The following PAK5 variants were observed in gnomAD, a reference collection of about 807,000 sequenced individuals.
PAK5 encodes the protein serine/threonine-protein kinase PAK 5.
Under a neutral mutation model 65.9 loss-of-function variants are expected in PAK5, and 16 were observed. The observed-to-expected ratio is 0.24, with a 90% CI of 0.16 to 0.37. The LOEUF (loss-of-function observed/expected upper bound fraction) is 0.37, where lower values mean the gene tolerates loss of function less well. PAK5 is among the 10% of genes least tolerant of loss of function. The pLI is 1.00. For synonymous variants in PAK5, 371 were observed against 354.9 expected (o/e 1.05, Z -0.51); for missense variants, 785 against 903.9 (o/e 0.87, Z 1.69).
chr20:9,834,443 C>T (rs756160972), intron 1 of PAK5, among the ~76,000 whole-genome samples: 82 of 152,086 alleles, frequency 5.4e-4, no homozygotes, highest in Non-Finnish European at 1.0e-3. Flanking sequence ...AGGAACTTGT[C>T]GCCTTATAAA....
intron 2 of PAK5, among the ~76,000 whole-genome samples, chr20:9,695,701 AC>A (rs1265030384): frequency 3.3e-5 from 5 of 152,082 alleles, no homozygotes; most frequent in African/African-American, 1.2e-4. Context: ...TATCTCATTA[AC>A]TACTACTCAA....
At chr20:9,717,967 A>G (rs1388914198) in intron 1 of PAK5, among the ~76,000 whole-genome samples, 1 of 152,028 alleles carries the variant, frequency 6.6e-6, no homozygotes, top group Admixed American at 6.5e-5. Context: ...TTTTACTCCT[A>G]TATTGGGGAT....
intron 1 of PAK5, among the ~76,000 whole-genome samples, chr20:9,717,255 G>C (rs1049315257): frequency 2.0e-4 from 30 of 152,220 alleles, no homozygotes; most frequent in African/African-American, 7.2e-4. Flanking sequence ...AGTTGGCTTC[G>C]TATCCACAGA....
At chr20:9,814,658 A>G (rs1438669834) in intron 1 of PAK5, among the ~76,000 whole-genome samples, 1 of 152,208 alleles carries the variant, frequency 6.6e-6, no homozygotes, top group East Asian at 1.9e-4. Flanking sequence ...AAATAAATAT[A>G]TAAGAAAAAC....
intron 7 of PAK5, among the ~76,000 whole-genome samples, chr20:9,551,696 T>A: frequency 6.6e-6 from 1 of 152,214 alleles, no homozygotes; most frequent in East Asian, 1.9e-4. Context: ...TGGGTGCTTC[T>A]TTGTAAGGCA....
At chr20:9,766,310 T>TATATATATATTCTACTTACTTGA (rs1436715060) in intron 1 of PAK5, among the ~76,000 whole-genome samples, 4 of 142,696 alleles carry the variant, frequency 2.8e-5, no homozygotes. Context: ...TCTACTTGAA[T>TATATATATATTCTACTTACTTGA]ATATATATAT....
At chr20:9,808,673 C>A (rs1237312163) in intron 1 of PAK5, among the ~76,000 whole-genome samples, 3 of 152,002 alleles carry the variant, frequency 2.0e-5, no homozygotes, top group Admixed American at 1.3e-4. Flanking sequence ...TCAGAACAGG[C>A]AAATTCATAG....
At chr20:9,713,400 T>C (rs1312736202) in intron 1 of PAK5, among the ~76,000 whole-genome samples, 1 of 152,076 alleles carries the variant, frequency 6.6e-6, no homozygotes, top group Non-Finnish European at 1.5e-5. Context: ...GGGAAATACT[T>C]GTATGCTGTT....
intron 3 of PAK5, among the ~76,000 whole-genome samples, chr20:9,619,624 CA>C (rs932261245): frequency 6.6e-6 from 1 of 152,224 alleles, no homozygotes; most frequent in Non-Finnish European, 1.5e-5. Context: ...CAGCCCCTTG[CA>C]TTGCTGGATA....
intron 1 of PAK5, among the ~76,000 whole-genome samples, chr20:9,775,081 T>C (rs2048873575): frequency 6.6e-6 from 1 of 152,148 alleles, no homozygotes; most frequent in South Asian, 2.1e-4. Context: ...ATGACAAAAG[T>C]CAGATCAGTG....
At position 9,539,308 on chromosome 20, in the gene PAK5, G is replaced by T. The variant is rs201682916; in HGVS notation, c.*154C>A. 2.4e-4 allele frequency: 164 copies of T among 677,606 alleles called. 3 individuals carry two copies. The East Asian group carries it at 4.0e-3, about 17-fold the overall frequency. 42.0% of individuals were successfully genotyped at this position (677,606 alleles called of 1,614,324 possible). A position where few individuals can be genotyped will look rare whatever the true frequency, so the allele number is the denominator to read the frequency against. ...ATGCCTGTTTAAGACACAAGAAGAT[G>T]CCCTGGTCTGTTGAACCCTGCCGGT... On this transcript the variant is annotated 3_prime_UTR_variant, in exon 10 of 10. Coordinates refer to ENST00000353224, the MANE Select transcript of PAK5 (RefSeq NM_177990.4).
At chr20:9,698,352 A>G (rs2047896189) in intron 2 of PAK5, among the ~76,000 whole-genome samples, 1 of 152,174 alleles carries the variant, frequency 6.6e-6, no homozygotes, top group Non-Finnish European at 1.5e-5. Context: ...CTCTTTGGCC[A>G]GCCAGAAAGA....
At chr20:9,753,190 T>C (rs961615822) in intron 1 of PAK5, among the ~76,000 whole-genome samples, 1 of 152,156 alleles carries the variant, frequency 6.6e-6, no homozygotes, top group Non-Finnish European at 1.5e-5. Context: ...ATGCTTGTTC[T>C]AAATTGCTAA....
intron 1 of PAK5, among the ~76,000 whole-genome samples, chr20:9,815,151 C>CA (rs1459216574): frequency 6.6e-6 from 1 of 152,102 alleles, no homozygotes; most frequent in Non-Finnish European, 1.5e-5. Flanking sequence ...AGAATGGCAC[C>CA]AAAAAATTCA....
chr20:9,743,231 A>C (rs751771338), intron 1 of PAK5, among the ~76,000 whole-genome samples: 16 of 152,034 alleles, frequency 1.1e-4, no homozygotes, highest in Non-Finnish European at 2.1e-4. Flanking sequence ...TTAGCCAGGC[A>C]TGGTCTTGAA....
At chr20:9,608,978 G>A (rs1282754279) in intron 3 of PAK5, among the ~76,000 whole-genome samples, 1 of 152,216 alleles carries the variant, frequency 6.6e-6, no homozygotes, top group Non-Finnish European at 1.5e-5. Context: ...CAACGTATCT[G>A]CAGATTTCGT....
intron 3 of PAK5, among the ~76,000 whole-genome samples, chr20:9,618,946 T>C (rs111377112): frequency 1.9e-3 from 249 of 134,154 alleles, no homozygotes; most frequent in African/African-American, 7.0e-3. Context: ...TTTTTTTTTT[T>C]TTTAATCTCA....
At chr20:9,716,887 C>T (rs754093014) in intron 1 of PAK5, among the ~76,000 whole-genome samples, 11 of 151,932 alleles carry the variant, frequency 7.2e-5, no homozygotes, top group African/African-American at 9.7e-5. Flanking sequence ...GTTTTGAGAC[C>T]AGCCTGAGCA....
At chr20:9,560,887 A>G (rs915446070) in intron 6 of PAK5, among the ~76,000 whole-genome samples, 4 of 152,196 alleles carry the variant, frequency 2.6e-5, no homozygotes, top group African/African-American at 9.7e-5. Flanking sequence ...TATAAGAAAT[A>G]CCTGAGTATT....
Sources: allele counts gnomAD v4.1 joint callset (sites outside exome capture counted in the v4.1 genomes callset), GRCh38; gene constraint gnomAD v4.1.1; transcripts MANE v1.5; gene names NCBI Gene and HGNC (gene_info 2026-07-23, HGNC 2026-07-21).